MBD5: variants seen among roughly 807,000 people sequenced by gnomAD.
The protein encoded by MBD5 is methyl-CpG-binding domain protein 5.
Under a neutral mutation model 117.3 loss-of-function variants are expected in MBD5, and 13 were observed. The observed-to-expected ratio is 0.11, with a 90% CI of 0.07 to 0.18. The LOEUF (loss-of-function observed/expected upper bound fraction) is 0.18, where lower values mean the gene tolerates loss of function less well. Among genes scored for constraint, MBD5 ranks in the 10% least tolerant of loss-of-function variants. The pLI is 1.00. For synonymous variants in MBD5, 727 were observed against 766.4 expected (o/e 0.95, Z 0.85); for missense variants, 1,879 against 2,093.8 (o/e 0.90, Z 2.00).
intron 4 of MBD5, among the ~76,000 whole-genome samples, chr2:148,370,720 C>T (rs1171602301): frequency 6.6e-6 from 1 of 152,120 alleles, no homozygotes; most frequent in Admixed American, 6.5e-5. Context: ...AACTCCTGAG[C>T]CCAAGAGATC....
chr2:148,500,294 A>G (rs1419596607), intron 11 of MBD5, among the ~76,000 whole-genome samples: 1 of 152,036 alleles, frequency 6.6e-6, no homozygotes, highest in African/African-American at 2.4e-5. Flanking sequence ...GTAATTTTAT[A>G]TATATAAATG....
At chr2:148,365,370 C>T (rs1703665128) in intron 4 of MBD5, among the ~76,000 whole-genome samples, 1 of 152,072 alleles carries the variant, frequency 6.6e-6, no homozygotes, top group Admixed American at 6.6e-5. Flanking sequence ...GCACCAAATG[C>T]CCACAGGAGA....
intron 1 of MBD5, among the ~76,000 whole-genome samples, chr2:148,148,642 T>C (rs1392518346): frequency 6.6e-6 from 1 of 152,166 alleles, no homozygotes; most frequent in East Asian, 1.9e-4. Flanking sequence ...GATGTTTTTG[T>C]TCTTCTTCCT....
At chr2:148,034,080 A>G (rs1045014634) in intron 1 of MBD5, among the ~76,000 whole-genome samples, 16 of 152,146 alleles carry the variant, frequency 1.1e-4, no homozygotes, top group Non-Finnish European at 2.2e-4. Context: ...CTGTAGTCCC[A>G]GGTCCTTTGG....
At chr2:148,343,027 AT>A (rs1334079767) in intron 4 of MBD5, among the ~76,000 whole-genome samples, 1 of 151,890 alleles carries the variant, frequency 6.6e-6, no homozygotes, top group Non-Finnish European at 1.5e-5. Flanking sequence ...AACATGCGAT[AT>A]TTGGTTTTCT....
intron 2 of MBD5, among the ~76,000 whole-genome samples, chr2:148,218,733 A>G (rs2106055914): frequency 6.6e-6 from 1 of 152,324 alleles, no homozygotes; most frequent in South Asian, 2.1e-4. Context: ...TTACAACATA[A>G]TGGTATTTGT....
intron 3 of MBD5, among the ~76,000 whole-genome samples, chr2:148,234,650 C>T (rs1700055256): frequency 1.3e-5 from 2 of 152,108 alleles, no homozygotes; most frequent in African/African-American, 4.8e-5. Context: ...CAGAGACACA[C>T]CTAAACCTTT....
At chr2:148,509,981 T>C in intron 12 of MBD5, 79 bp from the exon 13 acceptor site, 1 of 1,179,424 alleles carries the variant, frequency 8.5e-7, no homozygotes, top group Non-Finnish European at 1.3e-6. Context: ...ATTGGTACTT[T>C]TGTTTTCTGA....
chr2:148,114,754 C>T lies in MBD5; in HGVS notation c.-924-63946C>T, dbSNP rs1696588657. Among the ~76,000 whole-genome samples, 4 of 152,084 alleles carry T rather than the reference C, an allele frequency of 2.6e-5. No individual in the cohort carries two copies. In the South Asian group the frequency reaches 8.3e-4, roughly 32 times the overall value. The stretch of plus-strand genomic sequence containing the variant: ...TAAACTGAAAGGAATACTTATGTAA[C>T]AGCACAGGATATTTTACCAATATAT... On this transcript the variant is annotated intron_variant, in intron 1 of 13. Coordinates refer to ENST00000642680, the MANE Select transcript of MBD5 (RefSeq NM_001378120.1).
chr2:148,152,744 A>C (rs553919421), intron 1 of MBD5, among the ~76,000 whole-genome samples: 3,914 of 150,408 alleles, frequency 0.026, 98 homozygotes, highest in African/African-American at 0.067. Context: ...CTGTTTTATC[A>C]GAGACTAGGA....
chr2:148,209,759 A>G (rs1699374924), intron 2 of MBD5, among the ~76,000 whole-genome samples: 1 of 151,958 alleles, frequency 6.6e-6, no homozygotes, highest in Non-Finnish European at 1.5e-5. Flanking sequence ...AAGGCAAAGC[A>G]TGTCACATGG....
chr2:148,042,298 T>C (rs1444978200), intron 1 of MBD5, among the ~76,000 whole-genome samples: 2 of 152,196 alleles, frequency 1.3e-5, no homozygotes, highest in African/African-American at 4.8e-5. Flanking sequence ...CTACCACTTA[T>C]TTTTAGTGCC....
chr2:148,489,482 C>T lies in MBD5; in HGVS notation c.3850C>T (p.Pro1284Ser), dbSNP rs754102511. The T allele has an allele frequency of 1.2e-6, 2 of 1,614,224 alleles. No homozygotes were observed. The highest frequency in any genetic ancestry group is 1.1e-5 in the South Asian group (1 of 91,084). The change falls in exon 11 of 14, where the codon CCT becomes TCT. Residue 1284 changes from proline to serine, a missense_variant. Physicochemically the swap from Pro to Ser is moderately conservative, Grantham distance 74. Coordinates refer to ENST00000642680, the MANE Select transcript of MBD5 (RefSeq NM_001378120.1). Reference protein sequence around the residue: ...LPENPNTTLPPFQDTPCELQP... With the variant: ...LPENPNTTLPSFQDTPCELQP... The stretch of plus-strand genomic sequence containing the variant: ...TGAGAATCCAAACACTACACTTCCA[C>T]CTTTTCAAGATACACCTTGTGAGTT...
chr2:148,373,443 A>G (rs1304046972), intron 4 of MBD5, among the ~76,000 whole-genome samples: 3 of 152,096 alleles, frequency 2.0e-5, no homozygotes, highest in Admixed American at 1.3e-4. Context: ...ATGTTCTTCT[A>G]TATTCGTTAT....
At chr2:148,308,593 G>A (rs183243466) in intron 3 of MBD5, among the ~76,000 whole-genome samples, 46 of 141,022 alleles carry the variant, frequency 3.3e-4, no homozygotes, top group Admixed American at 4.7e-4. Context: ...ATTTTCTTGC[G>A]TTCTGTAGGT....
chr2:148,283,920 C>G (rs1701309322), intron 3 of MBD5, among the ~76,000 whole-genome samples: 2 of 152,188 alleles, frequency 1.3e-5, no homozygotes, highest in African/African-American at 4.8e-5. Context: ...AAGGTATACA[C>G]TGAGTATCCT....
At chr2:148,330,005 G>C (rs944718243) in intron 3 of MBD5, among the ~76,000 whole-genome samples, 1 of 143,862 alleles carries the variant, frequency 7.0e-6, no homozygotes, top group Admixed American at 7.3e-5. Flanking sequence ...GTAGGCAAGA[G>C]TTAAGACTTC....
At chr2:148,354,608 T>A (rs1413176132) in intron 4 of MBD5, among the ~76,000 whole-genome samples, 2 of 152,252 alleles carry the variant, frequency 1.3e-5, no homozygotes, top group Admixed American at 1.3e-4. Context: ...TAGAATGATT[T>A]ATAATCCTTT....
rs181851289 is a variant in MBD5 at position 148,278,014 on chromosome 2, A to G, written c.-680+44619A>G. Among the ~76,000 whole-genome samples, 336 of 152,250 alleles carry G rather than the reference A, an allele frequency of 2.2e-3. 3 individuals are homozygous for G. The highest frequency in any genetic ancestry group is 9.5e-3 in the Admixed American group (146 of 15,290). ...TCAAGATACAGAACCTCCATCACCC[A>G]CGAAAATTTTCTTGGGTCCCTTTGT... is the stretch of plus-strand genomic sequence containing the variant. On this transcript the variant is annotated intron_variant, in intron 3 of 13. Transcript: ENST00000642680.
Sources: allele counts gnomAD v4.1 joint callset (sites outside exome capture counted in the v4.1 genomes callset), GRCh38; gene constraint gnomAD v4.1.1; transcripts MANE v1.5; gene names NCBI Gene and HGNC (gene_info 2026-07-23, HGNC 2026-07-21).